DCC: variants seen among roughly 807,000 people sequenced by gnomAD.
DCC encodes the protein DCC netrin 1 receptor.
A neutral mutation model predicts 172.5 loss-of-function variants in DCC; 58 were observed. The ratio of observed to expected loss-of-function variants is 0.34; its 90% CI spans 0.27 to 0.42. The LOEUF is 0.42. Ranked by LOEUF, DCC falls within the 10% of genes least tolerant of loss-of-function variation. The pLI is 1.00. For synonymous variants in DCC, 709 were observed against 644.5 expected (o/e 1.10, Z -1.52); for missense variants, 1,740 against 1,791.0 (o/e 0.97, Z 0.51).
At chr18:52,629,688 C>T (rs934554809) in intron 1 of DCC, among the ~76,000 whole-genome samples, 3 of 151,984 alleles carry the variant, frequency 2.0e-5, no homozygotes, top group Non-Finnish European at 4.4e-5. Flanking sequence ...CGGTGGCTCA[C>T]GCCTGTAATC....
intron 1 of DCC, among the ~76,000 whole-genome samples, chr18:52,580,007 T>C (rs2033506800): frequency 6.6e-6 from 1 of 152,218 alleles, no homozygotes; most frequent in South Asian, 2.1e-4. Context: ...GTATTGGACA[T>C]ATGCTTTTGC....
At chr18:52,845,806 C>T (rs745340961) in intron 2 of DCC, among the ~76,000 whole-genome samples, 5 of 152,234 alleles carry the variant, frequency 3.3e-5, no homozygotes, top group African/African-American at 4.8e-5. Flanking sequence ...GAAAGCTCTG[C>T]TTCAGCAGCC....
chr18:53,236,985 A>G (rs2056212378), intron 12 of DCC: 1 of 151,974 alleles, frequency 6.6e-6, no homozygotes, highest in African/African-American at 2.4e-5. Flanking sequence ...TTTATAGCTC[A>G]TCTTGAAATC....
At chr18:52,915,335 G>A (rs916624216) in intron 3 of DCC, among the ~76,000 whole-genome samples, 4 of 152,026 alleles carry the variant, frequency 2.6e-5, no homozygotes, top group African/African-American at 9.7e-5. Context: ...TCCCAGGTTG[G>A]ATAATTTATA....
chr18:53,012,582 G>A (rs948700125), intron 5 of DCC, among the ~76,000 whole-genome samples: 3 of 151,802 alleles, frequency 2.0e-5, no homozygotes, highest in Non-Finnish European at 4.4e-5. Flanking sequence ...TGATTTTGTT[G>A]GTGTAGACAT....
chr18:53,033,783 T>A (rs1322174663), intron 5 of DCC, among the ~76,000 whole-genome samples: 1 of 152,170 alleles, frequency 6.6e-6, no homozygotes, highest in Non-Finnish European at 1.5e-5. Context: ...TTGCTTTTAC[T>A]ATAAAACTTC....
At chr18:52,601,011 A>G (rs1207068552) in intron 1 of DCC, among the ~76,000 whole-genome samples, 1 of 152,156 alleles carries the variant, frequency 6.6e-6, no homozygotes, top group African/African-American at 2.4e-5. Flanking sequence ...ACCTTTTCAT[A>G]AAAAGGACTT....
intron 2 of DCC, among the ~76,000 whole-genome samples, chr18:52,822,461 G>A (rs1190136856): frequency 1.3e-5 from 2 of 152,166 alleles, no homozygotes; most frequent in Non-Finnish European, 2.9e-5. Context: ...TGAGCTGAGA[G>A]GCCTTTTTCT....
chr18:52,765,904 A>G (rs2037243254), intron 2 of DCC, among the ~76,000 whole-genome samples: 1 of 152,220 alleles, frequency 6.6e-6, no homozygotes, highest in South Asian at 2.1e-4. Flanking sequence ...GATAGTGTCT[A>G]TCTTCTATGC....
chr18:52,707,818 A>G lies in DCC; in HGVS notation c.92-44236A>G, dbSNP rs188016369. Among the ~76,000 whole-genome samples the G allele has an allele frequency of 3.3e-5, 5 of 152,340 alleles. No individual in the cohort carries two copies. In the East Asian group the frequency reaches 9.7e-4, roughly 29 times the overall value. ...GTGGAATCAAAAAAGACAAACTCATAGAACCAGAGAATAAAATAGTGGCTA... is the reference window on the plus strand; with the variant it reads ...GTGGAATCAAAAAAGACAAACTCATGGAACCAGAGAATAAAATAGTGGCTA... On this transcript the variant is annotated intron_variant, in intron 1 of 28. Coordinates refer to ENST00000442544, the MANE Select transcript of DCC (RefSeq NM_005215.4).
chr18:53,011,001 T>C (rs773903000), intron 5 of DCC, among the ~76,000 whole-genome samples: 2 of 151,288 alleles, frequency 1.3e-5, no homozygotes, highest in Non-Finnish European at 3.0e-5. Flanking sequence ...TATTAAATAG[T>C]AGCACTTACA....
At chr18:52,892,674 T>C (rs867377251) in intron 2 of DCC, 5 of 152,294 alleles carry the variant, frequency 3.3e-5, no homozygotes, top group African/African-American at 1.2e-4. Context: ...GTGGCTATTA[T>C]ATCATGTTAT....
intron 1 of DCC, among the ~76,000 whole-genome samples, chr18:52,538,904 T>G (rs370628729): frequency 1.3e-5 from 2 of 152,174 alleles, no homozygotes; most frequent in African/African-American, 2.4e-5. Flanking sequence ...AATGAATAAA[T>G]AAATGAATGA....
At chr18:52,814,943 G>T (rs770623552) in intron 2 of DCC, among the ~76,000 whole-genome samples, 30 of 152,144 alleles carry the variant, frequency 2.0e-4, no homozygotes, top group Non-Finnish European at 3.1e-4. Context: ...TTTCTGAGTT[G>T]CTTGAAAGAC....
At chr18:53,340,333 C>G (rs1400772767) in intron 15 of DCC, among the ~76,000 whole-genome samples, 4 of 152,072 alleles carry the variant, frequency 2.6e-5, no homozygotes, top group African/African-American at 4.8e-5. Flanking sequence ...GTTAATTTTT[C>G]TTTAACCTTG....
intron 19 of DCC, among the ~76,000 whole-genome samples, chr18:53,409,654 G>A (rs1909870144): frequency 6.6e-6 from 1 of 152,036 alleles, no homozygotes; most frequent in East Asian, 1.9e-4. Flanking sequence ...ATTTGTTCGG[G>A]TGCATATTAG....
chr18:53,246,752 A>G (rs73957122), intron 12 of DCC, among the ~76,000 whole-genome samples: 6,432 of 152,078 alleles, frequency 0.042, 421 homozygotes, highest in African/African-American at 0.14. Flanking sequence ...ATGGGAATGG[A>G]GAGTAGAATT....
chr18:52,614,067 T>C (rs748955846), intron 1 of DCC, among the ~76,000 whole-genome samples: 1 of 152,210 alleles, frequency 6.6e-6, no homozygotes, highest in Non-Finnish European at 1.5e-5. Context: ...TTCCAAATTT[T>C]TTTTTCTTGC....
At chr18:53,048,136 T>G (rs1334113619) in intron 5 of DCC, among the ~76,000 whole-genome samples, 1 of 151,986 alleles carries the variant, frequency 6.6e-6, no homozygotes. Flanking sequence ...GCCTTTATTT[T>G]AGGTTCAGGG....
Sources: allele counts gnomAD v4.1 joint callset (sites outside exome capture counted in the v4.1 genomes callset), GRCh38; gene constraint gnomAD v4.1.1; transcripts MANE v1.5; gene names NCBI Gene and HGNC (gene_info 2026-07-23, HGNC 2026-07-21).